Variants in GRID2 observed in about 807,000 individuals in gnomAD.
GRID2 encodes the protein glutamate receptor ionotropic, delta-2.
In GRID2, 33 loss-of-function variants were observed where a neutral mutation model predicts 114.8. That is an observed-to-expected ratio of 0.29 (90% CI 0.22 to 0.38). GRID2 has a LOEUF of 0.38. GRID2 is among the 10% of genes least tolerant of loss of function. The pLI, the probability that GRID2 is intolerant of heterozygous loss-of-function variation, is 1.00. For missense variants in GRID2, 1,184 were observed against 1,257.7 expected (o/e 0.94, Z 0.89); for synonymous variants, 505 against 449.9 (o/e 1.12, Z -1.55).
chr4:92,741,302 C>T (rs1486735944), intron 2 of GRID2, among the ~76,000 whole-genome samples: 1 of 152,098 alleles, frequency 6.6e-6, no homozygotes, highest in East Asian at 1.9e-4. Flanking sequence ...AGTCACATTG[C>T]ACCATATAAG....
chr4:93,498,592 G>C (rs1483576099), intron 12 of GRID2, among the ~76,000 whole-genome samples: 1 of 151,740 alleles, frequency 6.6e-6, no homozygotes, highest in Non-Finnish European at 1.5e-5. Context: ...CTTACTTCTA[G>C]GGGTTTTTGG....
intron 2 of GRID2, among the ~76,000 whole-genome samples, chr4:92,944,945 C>G (rs1751509558): frequency 1.3e-5 from 2 of 151,970 alleles, no homozygotes; most frequent in Admixed American, 1.3e-4. Flanking sequence ...AATTTGTCTT[C>G]CAAATATGTC....
intron 3 of GRID2, among the ~76,000 whole-genome samples, chr4:93,085,771 G>T (rs1231041218): frequency 6.6e-6 from 1 of 151,918 alleles, no homozygotes; most frequent in African/African-American, 2.4e-5. Flanking sequence ...TAACTCCTTG[G>T]AGTCACTAAA....
At chr4:92,485,442 G>C (rs1419453477) in intron 1 of GRID2, among the ~76,000 whole-genome samples, 6 of 149,500 alleles carry the variant, frequency 4.0e-5, no homozygotes, top group Non-Finnish European at 8.9e-5. Flanking sequence ...ACTCACACCT[G>C]TAATCCCAGC....
chr4:92,995,954 T>C (rs2149210350), intron 2 of GRID2, among the ~76,000 whole-genome samples: 1 of 152,302 alleles, frequency 6.6e-6, no homozygotes, highest in African/African-American at 2.4e-5. Context: ...ACAGTTTTTT[T>C]TTTTCTATTC....
In GRID2 at chr4:93,434,112, C is replaced by T. The variant is rs750103560; in HGVS notation, c.1545+11144C>T. Among the ~76,000 whole-genome samples the T allele has an allele frequency of 1.8e-4, 28 of 152,188 alleles. No homozygotes were observed. The Middle Eastern group carries it at 0.01, about 55-fold the overall frequency. On this transcript the variant is annotated intron_variant, in intron 10 of 15. Coordinates refer to ENST00000282020, the MANE Select transcript of GRID2 (RefSeq NM_001510.4). ...GGAATGAAGCTATTGTGAAGATGAA[C>T]CAAGAAAATGAATTCAAGAATGTGT...
At chr4:92,593,345 G>T (rs894629288) in intron 2 of GRID2, among the ~76,000 whole-genome samples, 5 of 151,834 alleles carry the variant, frequency 3.3e-5, no homozygotes, top group Non-Finnish European at 7.4e-5. Context: ...TTAAGAGCTG[G>T]TTTTTTATTT....
At chr4:93,518,378 A>G (rs1045991446) in intron 13 of GRID2, among the ~76,000 whole-genome samples, 4 of 152,028 alleles carry the variant, frequency 2.6e-5, no homozygotes, top group African/African-American at 9.7e-5. Context: ...AAACTAGACA[A>G]ATTTTTTTTT....
At chr4:92,460,053 T>TATACACAC (rs1032538170) in intron 1 of GRID2, among the ~76,000 whole-genome samples, 1 of 99,804 alleles carries the variant, frequency 1.0e-5, no homozygotes, top group African/African-American at 3.9e-5. Flanking sequence ...TATATATATA[T>TATACACAC]ACACACACAA....
chr4:93,198,286 G>A (rs936807342), intron 4 of GRID2, among the ~76,000 whole-genome samples: 21 of 152,172 alleles, frequency 1.4e-4, no homozygotes, highest in African/African-American at 4.8e-4. Context: ...GTCTCAGGTG[G>A]GATAAATGCT....
At chr4:93,790,618 C>A (rs911368499) in intron 1 of GRID2, among the ~76,000 whole-genome samples, 7 of 151,168 alleles carry the variant, frequency 4.6e-5, no homozygotes, top group Non-Finnish European at 5.9e-5. Flanking sequence ...ATGATCTTAA[C>A]TATAAAATTA....
At position 93,069,501 on chromosome 4, in the gene GRID2, A is replaced by T. The variant is rs1728622317; in HGVS notation, c.245-15494A>T. Among the ~76,000 whole-genome samples, 3 of 152,096 alleles carry T rather than the reference A, an allele frequency of 2.0e-5. No individual in the cohort carries two copies. The South Asian group carries it at 6.2e-4, about 32-fold the overall frequency. On this transcript the variant is annotated intron_variant, in intron 2 of 15. Coordinates refer to ENST00000282020, the MANE Select transcript of GRID2 (RefSeq NM_001510.4). ...ACAAGGGTGTACTGACTCTAGTAGC[A>T]CCCAACCCCCAACATAGAAACAGTA... is the stretch of plus-strand genomic sequence containing the variant.
At chr4:92,533,529 C>T (rs1725459397) in intron 1 of GRID2, among the ~76,000 whole-genome samples, 1 of 152,062 alleles carries the variant, frequency 6.6e-6, no homozygotes, top group South Asian at 2.1e-4. Context: ...GTGTTTCATT[C>T]ACATCTGAAG....
At chr4:93,064,646 T>C (rs910602232) in intron 2 of GRID2, among the ~76,000 whole-genome samples, 2 of 151,880 alleles carry the variant, frequency 1.3e-5, no homozygotes, top group African/African-American at 4.8e-5. Context: ...AACTAAAAGA[T>C]TGGGTTTAAC....
At chr4:92,576,308 C>A (rs1464304522) in intron 1 of GRID2, among the ~76,000 whole-genome samples, 1 of 152,192 alleles carries the variant, frequency 6.6e-6, no homozygotes, top group Non-Finnish European at 1.5e-5. Context: ...CTCTCCAAAA[C>A]CCACAAGCTG....
chr4:92,366,816 G>C (rs1728892713), intron 1 of GRID2, among the ~76,000 whole-genome samples: 1 of 151,886 alleles, frequency 6.6e-6, no homozygotes, highest in Non-Finnish European at 1.5e-5. Context: ...TAACAGCAAT[G>C]ATAAATAAAT....
intron 1 of GRID2, among the ~76,000 whole-genome samples, chr4:92,528,256 C>G (rs1725139776): frequency 6.7e-6 from 1 of 150,214 alleles, no homozygotes; most frequent in Non-Finnish European, 1.5e-5. Flanking sequence ...ACAAATTAAC[C>G]ATTCTTACTT....
intron 8 of GRID2, among the ~76,000 whole-genome samples, chr4:93,370,243 C>T (rs907154683): frequency 6.6e-6 from 1 of 152,078 alleles, no homozygotes; most frequent in African/African-American, 2.4e-5. Context: ...GTCTAGCTTT[C>T]AGATACATAA....
chr4:93,117,043 A>G (rs888572683), intron 4 of GRID2, among the ~76,000 whole-genome samples: 3 of 152,150 alleles, frequency 2.0e-5, no homozygotes, highest in Admixed American at 6.5e-5. Context: ...CACTTATGAA[A>G]ATGTATTCAT....
Sources: allele counts gnomAD v4.1 joint callset (sites outside exome capture counted in the v4.1 genomes callset), GRCh38; gene constraint gnomAD v4.1.1; transcripts MANE v1.5; gene names NCBI Gene and HGNC (gene_info 2026-07-23, HGNC 2026-07-21).